The following PALM2AKAP2 variants were observed in gnomAD, a reference collection of about 807,000 sequenced individuals.
PALM2AKAP2 encodes PALM2-AKAP2 fusion protein.
A neutral mutation model predicts 71.5 loss-of-function variants in PALM2AKAP2; 37 were observed. That is an observed-to-expected ratio of 0.52 (90% CI 0.40 to 0.68). PALM2AKAP2 has a LOEUF of 0.68. Ranked by LOEUF, PALM2AKAP2 falls within the 30% of genes least tolerant of loss-of-function variation. The pLI, the probability that PALM2AKAP2 is intolerant of heterozygous loss-of-function variation, is 0.00. For missense variants in PALM2AKAP2, 1,224 were observed against 1,191.8 expected (o/e 1.03, Z -0.40); for synonymous variants, 468 against 478.8 (o/e 0.98, Z 0.29).
At chr9:109,726,898 G>T (rs1828485780) in intron 1 of PALM2AKAP2, among the ~76,000 whole-genome samples, 1 of 152,152 alleles carries the variant, frequency 6.6e-6, no homozygotes, top group Admixed American at 6.5e-5. Context: ...GTGGCTATGG[G>T]TACCAAACCG....
rs1828272042 is a variant in PALM2AKAP2, at chr9:109,713,572, CT to C, written c.6-66915del. Among the ~76,000 whole-genome samples, 4 of 152,064 alleles carry C rather than the reference CT, an allele frequency of 2.6e-5. No homozygotes were observed. The South Asian group carries it at 8.3e-4, about 32-fold the overall frequency. On this transcript the variant is annotated intron_variant, in intron 1 of 6. Coordinates refer to the PALM2AKAP2 transcript ENST00000374531. ...AAAGGCAAATCAAGTACAACAAAAG[CT>C]GTTATTATTACCTTGTTGAAAATCA...
intron 5 of PALM2AKAP2, among the ~76,000 whole-genome samples, chr9:109,927,664 A>G (rs925785515): frequency 6.6e-6 from 1 of 152,198 alleles, no homozygotes; most frequent in Non-Finnish European, 1.5e-5. Context: ...TTTTGATTGC[A>G]TGATAGCCTG....
intron 6 of PALM2AKAP2, 116 bp downstream of exon 6, chr9:109,932,144 C>A: frequency 8.7e-7 from 1 of 1,145,844 alleles, no homozygotes; most frequent in Non-Finnish European, 1.2e-6. Context: ...CACCTTCAGC[C>A]CAGCCTCAGA....
At chr9:110,152,034 C>T (rs755789031) in intron 2 of PALM2AKAP2, among the ~76,000 whole-genome samples, 37 of 152,206 alleles carry the variant, frequency 2.4e-4, no homozygotes, top group African/African-American at 6.3e-4. Flanking sequence ...GTCAGGAGTT[C>T]GAGACCAGCC....
At chr9:109,799,619 A>G (rs906317894) in intron 1 of PALM2AKAP2, among the ~76,000 whole-genome samples, 1 of 152,088 alleles carries the variant, frequency 6.6e-6, no homozygotes, top group African/African-American at 2.4e-5. Context: ...TCATCCTCTC[A>G]TGTAGCTGAG....
chr9:110,054,954 C>T (rs992513633), intron 1 of PALM2AKAP2, among the ~76,000 whole-genome samples: 2 of 152,218 alleles, frequency 1.3e-5, no homozygotes, highest in Non-Finnish European at 2.9e-5. Context: ...TCATCCTTCA[C>T]ACTGATTAAG....
At chr9:109,677,594 G>A (rs1380020203) in intron 1 of PALM2AKAP2, among the ~76,000 whole-genome samples, 1 of 151,816 alleles carries the variant, frequency 6.6e-6, no homozygotes, top group Non-Finnish European at 1.5e-5. Flanking sequence ...CTTGAACCCA[G>A]GAGGCAGAGG....
chr9:109,993,051 C>T (rs1832514797), intron 6 of PALM2AKAP2, among the ~76,000 whole-genome samples: 1 of 151,486 alleles, frequency 6.6e-6, no homozygotes. Context: ...CCTAAATATA[C>T]ACTCCCTCCT....
In PALM2AKAP2 at chr9:109,684,506, C is replaced by T. The variant is rs113454739; in HGVS notation, c.5+43640C>T. ...GGGCAGGCAAGGAAATAGGAGCTGTCACCTAGAGCAGAATTTTTCTATCCA... is the reference window on the plus strand; with the variant it reads ...GGGCAGGCAAGGAAATAGGAGCTGTTACCTAGAGCAGAATTTTTCTATCCA... On this transcript the variant is annotated intron_variant, in intron 1 of 6. Coordinates refer to the PALM2AKAP2 transcript ENST00000374531. 2.3e-3 allele frequency among the ~76,000 whole-genome samples: 355 copies of T among 152,220 alleles called. 1 individual carries two copies. The highest frequency in any genetic ancestry group is 7.5e-3 in the African/African-American group (311 of 41,544).
intron 3 of PALM2AKAP2, among the ~76,000 whole-genome samples, chr9:109,882,554 G>T (rs569457075): frequency 9.9e-5 from 15 of 152,264 alleles, no homozygotes; most frequent in South Asian, 2.1e-4. Flanking sequence ...TATATATAGA[G>T]AGAGAGTAGG....
chr9:109,713,205 T>A (rs1209120749), intron 1 of PALM2AKAP2, among the ~76,000 whole-genome samples: 3 of 152,196 alleles, frequency 2.0e-5, no homozygotes, highest in African/African-American at 7.2e-5. Flanking sequence ...TGCTCCCTTC[T>A]TCCTTCTTCT....
At chr9:109,910,601 A>C (rs1284374795) in intron 3 of PALM2AKAP2, among the ~76,000 whole-genome samples, 1 of 152,004 alleles carries the variant, frequency 6.6e-6, no homozygotes, top group Non-Finnish European at 1.5e-5. Context: ...AAAACGAAGA[A>C]GTCAAACAGA....
At chr9:110,068,089 T>C (rs1318649798) in intron 1 of PALM2AKAP2, among the ~76,000 whole-genome samples, 1 of 145,314 alleles carries the variant, frequency 6.9e-6, no homozygotes, top group Non-Finnish European at 1.5e-5. Flanking sequence ...TCCAAACTCT[T>C]TTTTTTTTTT....
intron 2 of PALM2AKAP2, among the ~76,000 whole-genome samples, chr9:110,151,785 G>A (rs1836321236): frequency 6.6e-6 from 1 of 152,192 alleles, no homozygotes; most frequent in African/African-American, 2.4e-5. Flanking sequence ...TGTTGTAGTG[G>A]TTCCTTACGT....
rs548517791 is a variant in PALM2AKAP2, at chr9:109,962,340, A to G, written c.496+30312A>G. On this transcript the variant is annotated intron_variant, in intron 6 of 9. Coordinates refer to the PALM2AKAP2 transcript ENST00000302798. ...CCAGGGAACAACCCCTAAGAATGGT[A>G]TGAAGTAGGGATCAGCAACTATGGC... 3.9e-5 allele frequency among the ~76,000 whole-genome samples: 6 copies of G among 152,328 alleles called. No homozygotes were observed. In the South Asian group the frequency reaches 8.3e-4, roughly 21 times the overall value.
chr9:109,944,707 A>G (rs1021260726), intron 6 of PALM2AKAP2: 4 of 152,226 alleles, frequency 2.6e-5, no homozygotes, highest in African/African-American at 4.8e-5. Context: ...TGGAGATTCC[A>G]GAAGAGCAAA....
At chr9:110,148,319 G>T (rs1174736916) in intron 2 of PALM2AKAP2, among the ~76,000 whole-genome samples, 1 of 152,110 alleles carries the variant, frequency 6.6e-6, no homozygotes, top group East Asian at 1.9e-4. Flanking sequence ...CCAACAACTT[G>T]ACTTACCTTT....
intron 3 of PALM2AKAP2, among the ~76,000 whole-genome samples, chr9:109,896,185 C>CAAAAAGAAAAAG (rs572559628): frequency 5.9e-5 from 9 of 151,508 alleles, no homozygotes; most frequent in African/African-American, 1.9e-4. Flanking sequence ...AACTCCGTCT[C>CAAAAAGAAAAAG]AAAAAGAAAA....
At chr9:109,798,990 C>T (rs1387376784) in intron 1 of PALM2AKAP2, among the ~76,000 whole-genome samples, 2 of 152,130 alleles carry the variant, frequency 1.3e-5, no homozygotes, top group East Asian at 1.9e-4. Flanking sequence ...CACTGTTGTG[C>T]GGACCATGCA....
Sources: allele counts gnomAD v4.1 joint callset (sites outside exome capture counted in the v4.1 genomes callset), GRCh38; gene constraint gnomAD v4.1.1; transcripts MANE v1.5; gene names NCBI Gene and HGNC (gene_info 2026-07-23, HGNC 2026-07-21).